NRXN3: variants seen among roughly 807,000 people sequenced by gnomAD.
NRXN3 encodes the protein neurexin 3, also known as neurexin III.
In NRXN3, 32 loss-of-function variants were observed where a neutral mutation model predicts 137.6. The ratio of observed to expected loss-of-function variants is 0.23; its 90% CI spans 0.18 to 0.31. NRXN3 has a LOEUF of 0.31. Among genes scored for constraint, NRXN3 ranks in the 10% least tolerant of loss-of-function variants. NRXN3 has a pLI of 1.00. For synonymous variants in NRXN3, 798 were observed against 784.5 expected (o/e 1.02, Z -0.29); for missense variants, 1,574 against 2,062.5 (o/e 0.76, Z 4.59).
At chr14:79,180,178 A>T (rs1169997517) in intron 15 of NRXN3, among the ~76,000 whole-genome samples, 1 of 152,168 alleles carries the variant, frequency 6.6e-6, no homozygotes, top group African/African-American at 2.4e-5. Context: ...GTGCATTATC[A>T]GTTTAGCTCA....
chr14:79,164,642 A>G (rs2061121752), intron 15 of NRXN3, among the ~76,000 whole-genome samples: 1 of 151,990 alleles, frequency 6.6e-6, no homozygotes, highest in Non-Finnish European at 1.5e-5. Flanking sequence ...AATTATTTCT[A>G]TTCTTTCCCT....
At chr14:78,391,423 A>G (rs1003794024) in intron 4 of NRXN3, among the ~76,000 whole-genome samples, 1 of 152,174 alleles carries the variant, frequency 6.6e-6, no homozygotes, top group Non-Finnish European at 1.5e-5. Context: ...CGAGGCTTCA[A>G]CAGACTTTTT....
chr14:78,419,354 C>T (rs147120787), intron 4 of NRXN3, among the ~76,000 whole-genome samples: 4 of 152,270 alleles, frequency 2.6e-5, no homozygotes, highest in East Asian at 3.9e-4. Flanking sequence ...TCTCCTGCCT[C>T]AGCCTCCTGA....
chr14:78,863,836 T>C (rs1303695801), intron 10 of NRXN3, among the ~76,000 whole-genome samples: 2 of 152,122 alleles, frequency 1.3e-5, no homozygotes, highest in Non-Finnish European at 2.9e-5. Flanking sequence ...CCACTTCTCC[T>C]TCCTCCTCAT....
chr14:79,102,592 C>T (rs373023685), intron 15 of NRXN3, among the ~76,000 whole-genome samples: 52 of 152,156 alleles, frequency 3.4e-4, no homozygotes, highest in Admixed American at 1.8e-3. Flanking sequence ...CAATCCAGAG[C>T]GACATATAGA....
intron 16 of NRXN3, among the ~76,000 whole-genome samples, chr14:79,618,272 T>G (rs953930688): frequency 6.6e-6 from 1 of 152,042 alleles, no homozygotes; most frequent in African/African-American, 2.4e-5. Flanking sequence ...CCACTGAAAT[T>G]TGGTGTAAGA....
intron 4 of NRXN3, among the ~76,000 whole-genome samples, chr14:78,319,236 T>C (rs1567247119): frequency 6.6e-6 from 1 of 152,222 alleles, no homozygotes; most frequent in Non-Finnish European, 1.5e-5. Context: ...CGCAAGTGCC[T>C]GCTGAAACTC....
At chr14:79,509,645 C>T (rs2096913721) in intron 16 of NRXN3, among the ~76,000 whole-genome samples, 9 of 151,274 alleles carry the variant, frequency 5.9e-5, no homozygotes. Context: ...GTTTTTACCA[C>T]TAAAAAAGAT....
intron 4 of NRXN3, among the ~76,000 whole-genome samples, chr14:78,509,495 C>T (rs1340173839): frequency 2.0e-5 from 3 of 152,058 alleles, no homozygotes; most frequent in African/African-American, 7.2e-5. Flanking sequence ...AATCATTTTT[C>T]TCTTTGCCAC....
At chr14:78,866,123 A>G (rs1161550836) in intron 10 of NRXN3, among the ~76,000 whole-genome samples, 1 of 152,178 alleles carries the variant, frequency 6.6e-6, no homozygotes, top group Non-Finnish European at 1.5e-5. Flanking sequence ...TGTTTGGATC[A>G]CTGATATCCT....
At chr14:79,101,447 G>A (rs1277402809) in intron 15 of NRXN3, among the ~76,000 whole-genome samples, 4 of 152,148 alleles carry the variant, frequency 2.6e-5, no homozygotes, top group East Asian at 1.9e-4. Flanking sequence ...ACAGAAAAAC[G>A]TCGGGATGAG....
intron 14 of NRXN3, among the ~76,000 whole-genome samples, chr14:78,983,612 A>G (rs2099495113): frequency 6.6e-6 from 1 of 152,138 alleles, no homozygotes; most frequent in African/African-American, 2.4e-5. Flanking sequence ...TAATCCCAGC[A>G]CTTTGGGAGG....
chr14:79,823,801 G>A, intron 20 of NRXN3: 1 of 347,722 alleles, frequency 2.9e-6, no homozygotes, highest in Non-Finnish European at 6.5e-6. Flanking sequence ...GCCCTGCAAG[G>A]AAAGCTGCTG....
chr14:79,374,885 A>G (rs2094215223), intron 15 of NRXN3, among the ~76,000 whole-genome samples: 1 of 152,192 alleles, frequency 6.6e-6, no homozygotes, highest in African/African-American at 2.4e-5. Context: ...CTTGGGCTGC[A>G]CCATTCATAT....
chr14:78,451,378 A>AG (rs1322911532), intron 4 of NRXN3, among the ~76,000 whole-genome samples: 1 of 152,238 alleles, frequency 6.6e-6, no homozygotes, highest in African/African-American at 2.4e-5. Context: ...CAAGAGTTAA[A>AG]GGAAGTAATG....
At chr14:79,533,463 G>GTTTTTTTTTTTTTTTTTTTTTT (rs2097186627) in intron 16 of NRXN3, among the ~76,000 whole-genome samples, 1 of 152,154 alleles carries the variant, frequency 6.6e-6, no homozygotes, top group Admixed American at 6.5e-5. Context: ...GTGATTTGGG[G>GTTTTTTTTTTTTTTTTTTTTTT]TTTTAAGAGC....
intron 7 of NRXN3, among the ~76,000 whole-genome samples, chr14:78,714,220 G>A (rs1467629281): frequency 6.6e-6 from 1 of 152,172 alleles, no homozygotes; most frequent in Non-Finnish European, 1.5e-5. Flanking sequence ...CATCTTTTGG[G>A]GGTTGGTGAG....
intron 4 of NRXN3, among the ~76,000 whole-genome samples, chr14:78,528,669 A>G (rs2096415397): frequency 6.6e-6 from 1 of 152,138 alleles, no homozygotes; most frequent in Non-Finnish European, 1.5e-5. Context: ...TGAATTCATG[A>G]GAATTATAGA....
rs1199725645 is a variant in NRXN3 at position 78,494,938 on chromosome 14, A to G, written c.758-150182A>G. Among the ~76,000 whole-genome samples, 5 of 152,250 alleles carry G rather than the reference A, an allele frequency of 3.3e-5. No individual in the cohort carries two copies. The East Asian group carries it at 9.7e-4, about 29-fold the overall frequency. ...CAGACTGGCCTCTTGATATGGGGCC[A>G]GGTTCTTCTGAGTAACTCACTCTGA... is the stretch of plus-strand genomic sequence containing the variant. On this transcript the variant is annotated intron_variant, in intron 4 of 20. Transcript: ENST00000335750.
Sources: gnomAD v4.1 joint callset for allele counts (sites outside exome capture counted in the v4.1 genomes callset) on GRCh38, gnomAD v4.1.1 for gene constraint, MANE v1.5 for transcripts, NCBI Gene and HGNC (gene_info 2026-07-23, HGNC 2026-07-21) for gene names.